The following ST7 variants were observed in gnomAD, a reference collection of about 807,000 sequenced individuals.
The protein encoded by ST7 is suppressor of tumorigenicity 7 protein.
In ST7, 28 loss-of-function variants were observed where a neutral mutation model predicts 78.7. The observed-to-expected ratio is 0.36, with a 90% CI of 0.26 to 0.49. ST7 has a LOEUF of 0.49. Among genes scored for constraint, ST7 ranks in the 20% least tolerant of loss-of-function variants. ST7 has a pLI of 0.99. For synonymous variants in ST7, 247 were observed against 249.6 expected, an observed-to-expected ratio of 0.99 and a Z score of 0.10; for missense variants, 418 against 696.0, an observed-to-expected ratio of 0.60 and a Z score of 4.49.
intron 9 of ST7, among the ~76,000 whole-genome samples, chr7:117,140,239 C>G (rs1045339145): frequency 2.6e-5 from 4 of 152,028 alleles, no homozygotes; most frequent in African/African-American, 7.2e-5. Flanking sequence ...ATTGATTGAC[C>G]TAGTTCACAT....
intron 9 of ST7, among the ~76,000 whole-genome samples, chr7:117,141,030 C>G (rs1468881966): frequency 6.6e-6 from 1 of 152,184 alleles, no homozygotes; most frequent in Non-Finnish European, 1.5e-5. Context: ...GGTCATGGGT[C>G]AAGATAACTG....
intron 9 of ST7, among the ~76,000 whole-genome samples, chr7:117,167,858 G>A (rs1323304437): frequency 1.3e-5 from 2 of 152,122 alleles, no homozygotes; most frequent in African/African-American, 2.4e-5. Flanking sequence ...AGAAAAGGGC[G>A]GAGGGTGTCC....
At chr7:117,052,612 G>A (rs887666825) in intron 1 of ST7, among the ~76,000 whole-genome samples, 9 of 152,130 alleles carry the variant, frequency 5.9e-5, no homozygotes, top group African/African-American at 2.2e-4. Context: ...AAAAAATCTA[G>A]GGCCAGGAGC....
intron 1 of ST7, among the ~76,000 whole-genome samples, chr7:117,036,062 C>T (rs1453040800): frequency 2.0e-5 from 3 of 152,084 alleles, no homozygotes; most frequent in Non-Finnish European, 1.5e-5. Flanking sequence ...CTTTTTCTGA[C>T]CTGGGTGCAT....
chr7:117,077,627 C>T (rs200195597), intron 1 of ST7, among the ~76,000 whole-genome samples: 4 of 152,118 alleles, frequency 2.6e-5, no homozygotes, highest in African/African-American at 9.7e-5. Context: ...TGTTATAATG[C>T]AAGCCATAAT....
At chr7:117,213,910 T>C (rs1182870884) in intron 13 of ST7, among the ~76,000 whole-genome samples, 3 of 152,198 alleles carry the variant, frequency 2.0e-5, no homozygotes, top group South Asian at 2.1e-4. Context: ...GAAGTATGAG[T>C]TGAACATAAA....
chr7:117,229,976 A>G lies in ST7; in HGVS notation c.*119A>G, dbSNP rs1793687493. ...AAGGGAAGCCATTCCGAGATTTTAA[A>G]ATGTTCATGGACTATTCCATATTAA... On this transcript the variant is annotated 3_prime_UTR_variant, in exon 16 of 16. Coordinates refer to ENST00000323984, the MANE Select transcript of ST7 (RefSeq NM_001369598.1). The G allele has an allele frequency of 3.3e-6, 3 of 914,794 alleles. No homozygotes were observed. Among genetic ancestry groups the G allele is most frequent in the Non-Finnish European group, 5.5e-6 (3 of 543,618 alleles). 56.7% of individuals were successfully genotyped at this position (914,794 alleles called of 1,614,324 possible).
At chr7:117,181,522 CTGT>C (rs1254055358) in intron 10 of ST7, among the ~76,000 whole-genome samples, 1 of 152,118 alleles carries the variant, frequency 6.6e-6, no homozygotes, top group Non-Finnish European at 1.5e-5. Context: ...CAGTCCTGTA[CTGT>C]TGTTCAGTTT....
At chr7:117,197,612 A>G (rs1164972134) in intron 12 of ST7, among the ~76,000 whole-genome samples, 5 of 152,186 alleles carry the variant, frequency 3.3e-5, no homozygotes, top group Non-Finnish European at 7.4e-5. Context: ...AAAGAAGGGG[A>G]GCAATAAATA....
chr7:116,956,245 A>G lies in ST7; in HGVS notation c.151+2554A>G, dbSNP rs540953750. ...ACTTAATTCCCTCCTTTCCTTGCCA[A>G]TTCCCCTCCCCTTTGGGAAAAAGTT... On this transcript the variant is annotated intron_variant, in intron 1 of 15. Coordinates refer to ENST00000323984, the MANE Select transcript of ST7 (RefSeq NM_001369598.1). 8.6e-4 allele frequency among the ~76,000 whole-genome samples: 131 copies of G among 152,318 alleles called. 1 individual carries two copies. The highest frequency in any genetic ancestry group is 1.7e-3 in the African/African-American group (69 of 41,568).
At chr7:117,201,788 C>G (rs1031607108) in intron 12 of ST7, among the ~76,000 whole-genome samples, 1 of 151,998 alleles carries the variant, frequency 6.6e-6, no homozygotes, top group African/African-American at 2.4e-5. Context: ...TGAGCCACTG[C>G]CCCCAGCCAG....
intron 14 of ST7, among the ~76,000 whole-genome samples, chr7:117,220,864 C>G (rs1164471203): frequency 6.6e-6 from 1 of 152,190 alleles, no homozygotes; most frequent in Non-Finnish European, 1.5e-5. Flanking sequence ...GGAGTTCCTC[C>G]TGGATTCCCT....
intron 2 of ST7, among the ~76,000 whole-genome samples, chr7:117,110,484 C>T (rs1327505147): frequency 1.3e-5 from 2 of 152,150 alleles, no homozygotes; most frequent in African/African-American, 4.8e-5. Flanking sequence ...CAGGTAGGCT[C>T]AATAGGTAGA....
chr7:116,998,166 G>A (rs1035151235), intron 1 of ST7, among the ~76,000 whole-genome samples: 5 of 152,220 alleles, frequency 3.3e-5, no homozygotes, highest in Non-Finnish European at 4.4e-5. Context: ...GAGGCCCAGC[G>A]AGAATTCGAG....
At chr7:117,057,034 G>A (rs191841333) in intron 1 of ST7, among the ~76,000 whole-genome samples, 62 of 152,110 alleles carry the variant, frequency 4.1e-4, no homozygotes, top group Admixed American at 3.5e-3. Flanking sequence ...AGATACAGTC[G>A]GTGGTTATCT....
chr7:117,183,308 C>T (rs1340847943), intron 10 of ST7, among the ~76,000 whole-genome samples: 1 of 151,802 alleles, frequency 6.6e-6, no homozygotes, highest in African/African-American at 2.4e-5. Context: ...CACCTATAGT[C>T]CCAGCTACTT....
intron 1 of ST7, among the ~76,000 whole-genome samples, chr7:116,980,862 G>T (rs1793927530): frequency 6.6e-6 from 1 of 152,172 alleles, no homozygotes; most frequent in East Asian, 1.9e-4. Flanking sequence ...TCAGAAATTG[G>T]TACAGTGACA....
chr7:117,146,850 G>A (rs952004788), intron 9 of ST7, among the ~76,000 whole-genome samples: 3 of 152,134 alleles, frequency 2.0e-5, no homozygotes, highest in Non-Finnish European at 4.4e-5. Flanking sequence ...ATTTGAGAGA[G>A]CACCTATTCA....
At chr7:117,168,436 G>C (rs61467884) in intron 9 of ST7, among the ~76,000 whole-genome samples, 5,708 of 152,228 alleles carry the variant, frequency 0.037, 375 homozygotes, top group African/African-American at 0.13. Context: ...TTGCAATTTA[G>C]AGAATGTCTT....
Sources: gnomAD v4.1 joint callset for allele counts (sites outside exome capture counted in the v4.1 genomes callset) on GRCh38, gnomAD v4.1.1 for gene constraint, MANE v1.5 for transcripts, NCBI Gene and HGNC (gene_info 2026-07-23, HGNC 2026-07-21) for gene names.